The following MUC5AC variants were observed in gnomAD, a reference collection of about 807,000 sequenced individuals.
MUC5AC encodes mucin-5AC.
A neutral mutation model predicts 169.7 loss-of-function variants in MUC5AC; 158 were observed. The ratio of observed to expected loss-of-function variants is 0.93; its 90% CI spans 0.82 to 1.06. The LOEUF (loss-of-function observed/expected upper bound fraction) is 1.06, where lower values mean the gene tolerates loss of function less well. Ranked by LOEUF, MUC5AC falls within the 50% of genes least tolerant of loss-of-function variation. The probability of loss-of-function intolerance (pLI) is 0.00; values close to 1 mark genes in which losing one functional copy is unlikely to be tolerated. For missense variants in MUC5AC, 4,359 were observed against 3,089.9 expected (o/e 1.41, Z -9.74); for synonymous variants, 1,975 against 1,237.0 (o/e 1.60, Z -12.52).
chr11:1,162,953 A>G lies in MUC5AC; in HGVS notation c.589-2A>G. On this transcript the variant is annotated splice_acceptor_variant, in intron 5 of 48. Transcript: ENST00000621226. LOFTEE classifies it high-confidence loss of function. Reference sequence around the variant, plus strand: ...GGGTGTCTGATGTCTCTCCCTTTGCAGCTGGAGCTGGACACCAAATACGCC... The same window carrying G: ...GGGTGTCTGATGTCTCTCCCTTTGCGGCTGGAGCTGGACACCAAATACGCC... 1 of 1,612,370 alleles carries G rather than the reference A, an allele frequency of 6.2e-7. No individual in the cohort carries two copies. The highest frequency in any genetic ancestry group is 8.5e-7 in the Non-Finnish European group (1 of 1,179,608).
At chr11:1,173,071 C>T (rs947352676) in intron 16 of MUC5AC, among the ~76,000 whole-genome samples, 2 of 145,604 alleles carry the variant, frequency 1.4e-5, no homozygotes, top group African/African-American at 5.4e-5. Flanking sequence ...CTCACTCACT[C>T]ACCCACTAGC....
intron 47 of MUC5AC, 30 bp from the exon 48 acceptor site, chr11:1,199,825 G>A: frequency 1.3e-6 from 1 of 748,230 alleles, no homozygotes; most frequent in Non-Finnish European, 2.4e-6. Flanking sequence ...GAGCAGCTGG[G>A]CTGGTCCTAA....
chr11:1,162,732 G>T (rs1001618244), intron 5 of MUC5AC, 86 bp downstream of exon 5: 3 of 1,326,722 alleles, frequency 2.3e-6, no homozygotes, highest in South Asian at 1.2e-5. Flanking sequence ...GAGGGTAGAA[G>T]GTGCCCTGGG....
At position 1,197,954 on chromosome 11, in the gene MUC5AC, G is replaced by T. The variant is rs771254814; in HGVS notation, c.16085G>T (p.Arg5362Leu). The change falls in exon 42 of 49, where the codon CGC (arginine) becomes CTC (leucine). Residue 5362 changes from arginine to leucine, a missense_variant. Transcript: ENST00000621226. ...PAPVGCPEGA[R>L]AIPTYQEGAC... The stretch of plus-strand genomic sequence containing the variant: ...CCCGTGGGCTGTCCTGAGGGCGCCC[G>T]CGCGATCCCGACCTACCAGGAGGGG... 5 of 736,896 alleles carry T rather than the reference G, an allele frequency of 6.8e-6. No individual in the cohort carries two copies. The South Asian group carries it at 7.2e-5, about 11-fold the overall frequency. The allele number at this position is 736,896 out of a possible 1,614,324, so 45.6% of individuals were successfully genotyped here.
intron 35 of MUC5AC, 112 bp downstream of exon 35, chr11:1,194,782 T>C: frequency 1.6e-6 from 1 of 628,134 alleles, no homozygotes; most frequent in South Asian, 1.9e-5. Context: ...TTCTGGCTGC[T>C]CTGCTGAGTG....
rs981129483 is a variant in MUC5AC, at chr11:1,177,165, G to A, written c.2794-66G>A. 1.1e-3 allele frequency: 427 copies of A among 398,710 alleles called. 1 individual carries two copies. Among genetic ancestry groups the A allele is most frequent in the Middle Eastern group, 5.6e-3 (9 of 1,600 alleles). 24.7% of individuals were successfully genotyped at this position (398,710 alleles called of 1,614,324 possible). On this transcript the variant is annotated intron_variant, in intron 22 of 48. Transcript: ENST00000621226. ...CCCAGGGTGCACACAGGTTGTCCCC[G>A]CCTCATCCTCCTTGCGGGAAGGAGG...
intron 22 of MUC5AC, 67 bp downstream of exon 22, chr11:1,177,133 C>T (rs1401183956): frequency 2.0e-5 from 8 of 398,542 alleles, no homozygotes; most frequent in Non-Finnish European, 3.1e-5. Flanking sequence ...TGCCTCTCTG[C>T]GGCTGCCCCA....
rs1203485125 is a variant in MUC5AC, at chr11:1,184,792, C to A, written c.6647C>A (p.Thr2216Asn). The A allele has an allele frequency of 7.6e-6, 5 of 654,510 alleles. No individual in the cohort carries two copies. The highest frequency in any genetic ancestry group is 1.8e-5 in the South Asian group (1 of 57,066). The allele number at this position is 654,510 out of a possible 1,614,324, so 40.5% of individuals were successfully genotyped here. The change falls in exon 31 of 49, where the codon ACC (threonine) becomes AAC (asparagine). Residue 2216 changes from threonine (T) to asparagine (N), a missense_variant. Physicochemically the swap from Thr to Asn is moderately conservative, Grantham distance 65 (BLOSUM62 0). Transcript: ENST00000621226. ...NYEVRVLCCE[T>N]PKGCPVTSTP... is the part of the protein sequence containing the mutation. ...GAGGTGCGTGTGCTCTGCTGCGAGA[C>A]CCCCAAAGGCTGCCCCGTGACCTCC...
At chr11:1,158,197 C>A in intron 1 of MUC5AC, 125 bp downstream of exon 1, 1 of 843,636 alleles carries the variant, frequency 1.2e-6, no homozygotes, top group Non-Finnish European at 1.8e-6. Flanking sequence ...CTCCCAGCAG[C>A]ATAGCCCCTG....
intron 15 of MUC5AC, among the ~76,000 whole-genome samples, chr11:1,170,199 T>C (rs1190736366): frequency 2.3e-4 from 8 of 34,556 alleles, no homozygotes; most frequent in African/African-American, 4.4e-4. Context: ...ATTCACTCAC[T>C]CACCCACTCA....
In MUC5AC at chr11:1,185,578, C is replaced by G; in HGVS notation, c.7433C>G (p.Ser2478Cys). ...TCTGCTCCTAAAAGCAGCACAACCT[C>G]TGCCGCTACAACCAGCACAACCTCT... ...TTSAPKSSTT[S>C]AATTSTTSGP... The change falls in exon 31 of 49, where the codon TCT becomes TGT. Residue 2478 changes from serine (S) to cysteine (C), a missense_variant. Coordinates refer to ENST00000621226, the MANE Select transcript of MUC5AC (RefSeq NM_001304359.2). 1 of 722,814 alleles carries G rather than the reference C, an allele frequency of 1.4e-6. No homozygotes were observed. The highest frequency in any genetic ancestry group is 1.4e-5 in the South Asian group (1 of 69,458). 44.8% of individuals were successfully genotyped at this position (722,814 alleles called of 1,614,324 possible).
At chr11:1,160,949 C>T (rs1045036892) in intron 2 of MUC5AC, among the ~76,000 whole-genome samples, 21 of 152,218 alleles carry the variant, frequency 1.4e-4, no homozygotes, top group Admixed American at 7.8e-4. Context: ...GCCCATGTCC[C>T]GTGGGAGCCG....
At chr11:1,160,784 C>G in intron 2 of MUC5AC, 95 bp downstream of exon 2, 2 of 1,275,516 alleles carry the variant, frequency 1.6e-6, no homozygotes, top group South Asian at 2.7e-5. Flanking sequence ...TAGGGTGGCT[C>G]CCCAGCTGGC....
Position 1,191,534 on chromosome 11 carries a change from C to A in MUC5AC, c.13389C>A (p.Thr4463=). 3.1e-6 allele frequency: 2 copies of A among 645,710 alleles called. No homozygotes were observed. The highest frequency in any genetic ancestry group is 3.2e-5 in the East Asian group (1 of 31,710). The allele number at this position is 645,710 out of a possible 1,614,324, so 40.0% of individuals were successfully genotyped here. The change falls in exon 31 of 49, where the codon ACC becomes ACA. Residue 4463 remains threonine (T), a synonymous_variant. Transcript: ENST00000621226. ...STTSTISLPT[T]STTSAPITSM... is the part of the protein sequence containing the mutation. ...CCAGCACAATCTCTCTCCCTACAAC[C>A]AGCACAACCTCTGCTCCTATAACCA...
rs1132436 is a variant in MUC5AC at position 1,199,741 on chromosome 11, C to A, written c.16562C>A (p.Pro5521Gln). The A allele has an allele frequency of 1.4e-6, 1 of 711,170 alleles. No individual in the cohort carries two copies. The highest frequency in any genetic ancestry group is 1.5e-5 in the South Asian group (1 of 68,522). The allele number at this position is 711,170 out of a possible 1,614,324, so 44.1% of individuals were successfully genotyped here. Residue 5521 changes from proline (P) to glutamine (Q), a missense_variant, in exon 47 of 49, where the codon CCG becomes CAG. Pro to Gln is a moderately conservative substitution (Grantham distance 76). Coordinates refer to ENST00000621226, the MANE Select transcript of MUC5AC (RefSeq NM_001304359.2). ...SKDGCCRFCPPPPPPYQNQST... is the reference protein window; with the variant it reads ...SKDGCCRFCPQPPPPYQNQST... ...GACGGCTGCTGCCGCTTCTGCCCGC[C>A]GCCCCCGCCCCCGTACCAGAACCGT...
rs1861022029 is a variant in MUC5AC, at chr11:1,189,170, C to T, written c.11025C>T (p.Ala3675=). ...TSTTQTSTTS[A]PTTSTTPASI... ...CTACACAGACCAGCACAACCTCTGC[C>T]CCTACAACTAGCACAACCCCTGCTT... The change falls in exon 31 of 49, where the codon GCC becomes GCT. Residue 3675 remains alanine, a synonymous_variant. Coordinates refer to ENST00000621226, the MANE Select transcript of MUC5AC (RefSeq NM_001304359.2). The T allele has an allele frequency of 3.4e-6, 2 of 596,226 alleles. No individual in the cohort carries two copies. The highest frequency in any genetic ancestry group is 6.0e-6 in the Non-Finnish European group (2 of 334,562). 36.9% of individuals were successfully genotyped at this position (596,226 alleles called of 1,614,324 possible). A position where few individuals can be genotyped will look rare whatever the true frequency, so the allele number is the denominator to read the frequency against.
At position 1,190,480 on chromosome 11, in the gene MUC5AC, G is replaced by T. The variant is rs1322177069; in HGVS notation, c.12335G>T (p.Ser4112Ile). The change falls in exon 31 of 49, where the codon AGC becomes ATC. Residue 4112 changes from serine (S) to isoleucine (I), a missense_variant. Physicochemically the swap from Ser to Ile is moderately radical, Grantham distance 142. Transcript: ENST00000621226. ...QTSTTSAPTT[S>I]TIPASTPSTT... ...AGCACAACCTCTGCCCCTACAACCA[G>T]CACAATCCCTGCTTCTACACCCAGC... 4 of 700,180 alleles carry T rather than the reference G, an allele frequency of 5.7e-6. No homozygotes were observed. Among genetic ancestry groups the T allele is most frequent in the Non-Finnish European group, 7.8e-6 (3 of 384,362 alleles). 43.4% of individuals were successfully genotyped at this position (700,180 alleles called of 1,614,324 possible). A position where few individuals can be genotyped will look rare whatever the true frequency, so the allele number is the denominator to read the frequency against.
At chr11:1,193,697 G>T (rs765950189) in intron 33 of MUC5AC, 38 bp downstream of exon 33, 1 of 752,340 alleles carries the variant, frequency 1.3e-6, no homozygotes, top group East Asian at 2.4e-5. Flanking sequence ...GGCAGCCGGG[G>T]CAGCCACTCC....
At position 1,186,159 on chromosome 11, in the gene MUC5AC, C is replaced by G. The variant is rs1236551543; in HGVS notation, c.8014C>G (p.Pro2672Ala). 2.9e-6 allele frequency: 2 copies of G among 699,076 alleles called. No individual in the cohort carries two copies. Among genetic ancestry groups the G allele is most frequent in the Admixed American group, 1.9e-5 (1 of 53,882 alleles). 43.3% of individuals were successfully genotyped at this position (699,076 alleles called of 1,614,324 possible). The change falls in exon 31 of 49, where the codon CCT (proline) becomes GCT (alanine). Residue 2672 changes from proline (P) to alanine (A), a missense_variant. Physicochemically the swap from Pro to Ala is conservative, Grantham distance 27 (BLOSUM62 -1). Transcript: ENST00000621226. ...TCCTACCACCAGCACAATCTCTGTT[C>G]CTACCACCAGCACAACTTCTGCTTC... ...PVPTTSTISVPTTSTTSASTT... is the reference protein window; with the variant it reads ...PVPTTSTISVATTSTTSASTT...
Sources: gnomAD v4.1 joint callset for allele counts (sites outside exome capture counted in the v4.1 genomes callset) on GRCh38, gnomAD v4.1.1 for gene constraint, MANE v1.5 for transcripts, NCBI Gene and HGNC (gene_info 2026-07-23, HGNC 2026-07-21) for gene names.